MACROH2A2: variants seen among roughly 807,000 people sequenced by gnomAD.
MACROH2A2 encodes macroH2A.2 histone.
A neutral mutation model predicts 37.6 loss-of-function variants in MACROH2A2; 6 were observed. The observed-to-expected ratio is 0.16, with a 90% CI of 0.09 to 0.32. The LOEUF (loss-of-function observed/expected upper bound fraction) is 0.32, where lower values mean the gene tolerates loss of function less well. Ranked by LOEUF, MACROH2A2 falls within the 10% of genes least tolerant of loss-of-function variation. MACROH2A2 has a pLI of 1.00. For missense variants in MACROH2A2, 290 were observed against 485.9 expected, an observed-to-expected ratio of 0.60 and a Z score of 3.79; for synonymous variants, 192 against 202.7, an observed-to-expected ratio of 0.95 and a Z score of 0.45.
At chr10:70,111,125 C>A (rs2072370466) in intron 8 of MACROH2A2, among the ~76,000 whole-genome samples, 1 of 151,980 alleles carries the variant, frequency 6.6e-6, no homozygotes, top group Admixed American at 6.6e-5. Flanking sequence ...AAAAATTAGC[C>A]AGGCATGATG....
chr10:70,059,515 C>T (rs558081355), intron 1 of MACROH2A2, among the ~76,000 whole-genome samples: 112 of 152,062 alleles, frequency 7.4e-4, no homozygotes, highest in African/African-American at 2.6e-3. Flanking sequence ...GGATTACAGA[C>T]GTGCGCCACC....
In MACROH2A2 at chr10:70,075,317, GAC is replaced by G. The variant is rs973556598; in HGVS notation, c.-59-282_-59-281del. ...CATCTTTGGGGATCATTGTTCAGCT[GAC>G]CACAGGACCGAGACCTCCCTATTCA... On this transcript the variant is annotated intron_variant, in intron 1 of 8. Coordinates refer to ENST00000373255, the MANE Select transcript of MACROH2A2 (RefSeq NM_018649.3). This position sits in a 1 kb window ranked among gnomAD's most constrained non-coding sequence, Gnocchi z 5.0. Among the ~76,000 whole-genome samples, 1 of 152,228 alleles carries G rather than the reference GAC, an allele frequency of 6.6e-6. No homozygotes were observed. The highest frequency in any genetic ancestry group is 2.4e-5 in the African/African-American group (1 of 41,462).
intron 6 of MACROH2A2, chr10:70,098,762 C>T (rs2072290170): frequency 6.6e-6 from 1 of 152,414 alleles, no homozygotes; most frequent in Admixed American, 6.5e-5. Context: ...GCCTGGTTGT[C>T]TGTATTGGTG....
At position 70,109,128 on chromosome 10, in the gene MACROH2A2, G is replaced by A; in HGVS notation, c.874G>A (p.Glu292Lys). ...GSDKCEEQLE[E>K]TIKNCLSAAE... ...CGACAAATGTGAAGAACAGCTTGAAGAGACCATCAAAAACTGCCTGTCAGC... is the reference window on the plus strand; with the variant it reads ...CGACAAATGTGAAGAACAGCTTGAAAAGACCATCAAAAACTGCCTGTCAGC... Residue 292 changes from glutamate to lysine, a missense_variant, in exon 8 of 9, where the codon GAG becomes AAG. Physicochemically the swap from Glu to Lys is moderately conservative, Grantham distance 56 (BLOSUM62 1). Transcript: ENST00000373255. The A allele has an allele frequency of 2.5e-6, 4 of 1,614,208 alleles. No individual in the cohort carries two copies. The highest frequency in any genetic ancestry group is 3.4e-6 in the Non-Finnish European group (4 of 1,180,006).
At chr10:70,091,653 GAC>G (rs2072245179) in intron 3 of MACROH2A2, 102 bp from the exon 4 acceptor site, 1 of 792,332 alleles carries the variant, frequency 1.3e-6, no homozygotes, top group Non-Finnish European at 2.0e-6. Flanking sequence ...CAGCCTGGGT[GAC>G]AGAGTAAGAT....
In MACROH2A2 at chr10:70,065,368, C is replaced by T. The variant is rs886160001; in HGVS notation, c.-59-10232C>T. On this transcript the variant is annotated intron_variant, in intron 1 of 8. Transcript: ENST00000373255. ...CTGGGATTATAAGCGTAAGCCACCGCGCCCGGCCTTGTCCTTCATTCTTAA... is the reference window on the plus strand; with the variant it reads ...CTGGGATTATAAGCGTAAGCCACCGTGCCCGGCCTTGTCCTTCATTCTTAA... 3.9e-5 allele frequency among the ~76,000 whole-genome samples: 6 copies of T among 152,098 alleles called. No homozygotes were observed. In the South Asian group the frequency reaches 8.3e-4, roughly 21 times the overall value.
In MACROH2A2 at chr10:70,099,880, C is replaced by T. The variant is rs2072296649; in HGVS notation, c.689-328C>T. Among the ~76,000 whole-genome samples the T allele has an allele frequency of 2.0e-5, 3 of 152,178 alleles. No individual in the cohort carries two copies. The South Asian group carries it at 6.2e-4, about 32-fold the overall frequency. ...GACTTCAGAGCTCTCCACATGAGTA[C>T]TAAACCTGTGGGACACAACACTAGA... On this transcript the variant is annotated intron_variant, in intron 6 of 8. Transcript: ENST00000373255.
At chr10:70,095,542 G>T in intron 5 of MACROH2A2, 112 bp from the exon 6 acceptor site, 1 of 640,336 alleles carries the variant, frequency 1.6e-6, no homozygotes. Flanking sequence ...CAGCCCCTAT[G>T]TTGACATTGG....
Position 70,109,121 on chromosome 10 carries a change from G to A in MACROH2A2, c.867G>A (p.Gln289=). The part of the protein sequence containing the change: ...PQWGSDKCEE[Q]LEETIKNCLS... ...GGGGCTCCGACAAATGTGAAGAACA[G>A]CTTGAAGAGACCATCAAAAACTGCC... The change falls in exon 8 of 9, where the codon CAG becomes CAA. Residue 289 remains glutamine (Q), a synonymous_variant. Transcript: ENST00000373255. 6.2e-7 allele frequency: 1 copy of A among 1,614,162 alleles called. No homozygotes were observed. Among genetic ancestry groups the A allele is most frequent in the Non-Finnish European group, 8.5e-7 (1 of 1,179,964 alleles).
chr10:70,097,782 A>G (rs749510302), intron 6 of MACROH2A2, among the ~76,000 whole-genome samples: 4 of 152,178 alleles, frequency 2.6e-5, no homozygotes, highest in African/African-American at 4.8e-5. Context: ...CAGTGTTCCA[A>G]TTCCAGTTAC....
At chr10:70,057,908 G>C (rs184651924) in intron 1 of MACROH2A2, among the ~76,000 whole-genome samples, 122 of 152,162 alleles carry the variant, frequency 8.0e-4, no homozygotes, top group Non-Finnish European at 9.7e-4. Context: ...ACGAAATGGT[G>C]GGGGGATGGT....
At chr10:70,100,696 A>G (rs1023183518) in intron 7 of MACROH2A2, among the ~76,000 whole-genome samples, 10 of 149,134 alleles carry the variant, frequency 6.7e-5, no homozygotes, top group Admixed American at 6.1e-4. Flanking sequence ...AGCTCACTGC[A>G]ACCTCTGCCT....
intron 1 of MACROH2A2, among the ~76,000 whole-genome samples, chr10:70,074,644 T>C (rs2072130071): frequency 6.6e-6 from 1 of 152,174 alleles, no homozygotes; most frequent in South Asian, 2.1e-4. Flanking sequence ...GTTTCCCCCA[T>C]ACCATTCTCG....
chr10:70,054,331 A>AT (rs1269307933), intron 1 of MACROH2A2, among the ~76,000 whole-genome samples: 4 of 152,162 alleles, frequency 2.6e-5, no homozygotes, highest in Non-Finnish European at 5.9e-5. Flanking sequence ...CGCTGCCCTG[A>AT]TTTTAAGGGC....
chr10:70,106,244 A>G (rs999278952), intron 7 of MACROH2A2, among the ~76,000 whole-genome samples: 2 of 152,194 alleles, frequency 1.3e-5, no homozygotes, highest in Admixed American at 6.5e-5. Context: ...AGGCAACATC[A>G]CATTAGGTAA....
At chr10:70,073,085 C>T (rs1456337642) in intron 1 of MACROH2A2, among the ~76,000 whole-genome samples, 3 of 152,192 alleles carry the variant, frequency 2.0e-5, no homozygotes, top group African/African-American at 7.2e-5. Context: ...GTAGAAGCGG[C>T]GCTATGCCCA....
chr10:70,053,739 G>A lies in MACROH2A2; in HGVS notation c.-60+739G>A, dbSNP rs1245276123. On this transcript the variant is annotated intron_variant, in intron 1 of 8. Coordinates refer to ENST00000373255, the MANE Select transcript of MACROH2A2 (RefSeq NM_018649.3). The surrounding 1 kb of genome is among the most constrained non-coding windows in gnomAD (Gnocchi z 4.8). ...TTCGGTTCCCTTTCCGGGGCGCCCG[G>A]TGCCGACGCGCGCTGCGCTTTCACC... is the stretch of plus-strand genomic sequence containing the variant. 2.6e-5 allele frequency among the ~76,000 whole-genome samples: 4 copies of A among 151,918 alleles called. No individual in the cohort carries two copies. The highest frequency in any genetic ancestry group is 7.2e-5 in the African/African-American group (3 of 41,414).
chr10:70,100,265 G>A lies in MACROH2A2; in HGVS notation c.746G>A (p.Arg249His). 2.5e-6 allele frequency: 4 copies of A among 1,610,504 alleles called. No individual in the cohort carries two copies. Among genetic ancestry groups the A allele is most frequent in the Non-Finnish European group, 3.4e-6 (4 of 1,177,198 alleles). The stretch of plus-strand genomic sequence containing the variant: ...TTCTTGGAAACGGTAAAGGAGCTTC[G>A]CAAATCCCAAGGCCCTTTGGAAGTC... ...KEFLETVKEL[R>H]KSQGPLEVAE... The change falls in exon 7 of 9, where the codon CGC (arginine) becomes CAC (histidine). Residue 249 changes from arginine to histidine, a missense_variant. Physicochemically the swap from Arg to His is conservative, Grantham distance 29. Coordinates refer to ENST00000373255, the MANE Select transcript of MACROH2A2 (RefSeq NM_018649.3).
intron 8 of MACROH2A2, 35 bp downstream of exon 8, chr10:70,109,242 C>G (rs770962275): frequency 6.3e-7 from 1 of 1,582,292 alleles, no homozygotes. Flanking sequence ...ATTCCTCCGG[C>G]TTTTTCCCTG....
Sources: gnomAD v4.1 joint callset for allele counts (sites outside exome capture counted in the v4.1 genomes callset) on GRCh38, gnomAD v4.1.1 for gene constraint, Gnocchi (gnomAD v3.1) non-coding constraint, MANE v1.5 for transcripts, NCBI Gene and HGNC (gene_info 2026-07-23, HGNC 2026-07-21) for gene names.